KIAA1217: variants seen among roughly 807,000 people sequenced by gnomAD.
KIAA1217 encodes the protein sickle tail protein homolog.
In KIAA1217, 88 loss-of-function variants were observed where a neutral mutation model predicts 163.9. The ratio of observed to expected loss-of-function variants is 0.54; its 90% CI spans 0.45 to 0.64. The LOEUF is 0.64. Among genes scored for constraint, KIAA1217 ranks in the 30% least tolerant of loss-of-function variants. KIAA1217 has a pLI of 0.00. For missense variants in KIAA1217, 2,372 were observed against 2,475.0 expected, an observed-to-expected ratio of 0.96 and a Z score of 0.88; for synonymous variants, 903 against 923.1, an observed-to-expected ratio of 0.98 and a Z score of 0.39.
rs1476441262 is a variant in KIAA1217, at chr10:24,521,900, C to G, written c.2427C>G (p.Ser809Arg). Reference sequence around the variant, plus strand: ...ACAGTCTCCTGAAGCGTGTGCGCAGCATGACAGACGTCCTGACCATGCTGC... The same window carrying G: ...ACAGTCTCCTGAAGCGTGTGCGCAGGATGACAGACGTCCTGACCATGCTGC... ...KLDSLLKRVR[S>R]MTDVLTMLRR... The change falls in exon 12 of 21, where the codon AGC (serine) becomes AGG (arginine). Residue 809 changes from serine to arginine, a missense_variant. This residue lies in a region of KIAA1217 where 1,431 missense variants were observed against 1,470.3 expected (regional missense o/e 0.97). Transcript: ENST00000376454. The G allele has an allele frequency of 6.2e-7, 1 of 1,613,154 alleles. No individual in the cohort carries two copies. Among genetic ancestry groups the G allele is most frequent in the Admixed American group, 1.7e-5 (1 of 60,028 alleles).
intron 2 of KIAA1217, among the ~76,000 whole-genome samples, chr10:24,167,101 A>C (rs533325897): frequency 2.0e-5 from 3 of 152,228 alleles, no homozygotes; most frequent in Admixed American, 2.0e-4. Context: ...CAGGAAGCAC[A>C]CTTACTTTTT....
In KIAA1217 at chr10:24,099,587, T is replaced by A. The variant is rs547266701; in HGVS notation, c.-171+92213T>A. Among the ~76,000 whole-genome samples, 14 of 137,816 alleles carry A rather than the reference T, an allele frequency of 1.0e-4. No individual in the cohort carries two copies. The East Asian group carries it at 1.5e-3, about 15-fold the overall frequency. 90.4% of individuals were successfully genotyped at this position (137,816 alleles called of 152,430 possible). ...ATTTTCTTTATATATATATATATATTATATATATATATTTTATTATACTTT... is the reference window on the plus strand; with the variant it reads ...ATTTTCTTTATATATATATATATATAATATATATATATTTTATTATACTTT... On this transcript the variant is annotated intron_variant, in intron 2 of 18. Transcript: ENST00000376462.
chr10:23,942,496 T>A (rs1186710217), intron 1 of KIAA1217, among the ~76,000 whole-genome samples: 1 of 152,188 alleles, frequency 6.6e-6, no homozygotes, highest in African/African-American at 2.4e-5. Context: ...TTATACGTTA[T>A]GAAAAGTAGA....
At chr10:24,412,332 G>A (rs1302607474) in intron 3 of KIAA1217, among the ~76,000 whole-genome samples, 1 of 152,090 alleles carries the variant, frequency 6.6e-6, no homozygotes, top group Non-Finnish European at 1.5e-5. Context: ...CAGCTTTAAT[G>A]CCACATTCCC....
chr10:24,107,443 C>T (rs34553477), intron 2 of KIAA1217, among the ~76,000 whole-genome samples: 207 of 152,310 alleles, frequency 1.4e-3, no homozygotes, highest in Non-Finnish European at 2.0e-3. Flanking sequence ...GTTGTGAATT[C>T]TTTGAGAAAT....
chr10:24,524,759 A>G lies in KIAA1217; in HGVS notation c.2893A>G (p.Ile965Val), dbSNP rs1473170866. The change falls in exon 13 of 21, where the codon ATC becomes GTC. Residue 965 changes from isoleucine (I) to valine (V), a missense_variant. Ile to Val is a conservative substitution (Grantham distance 29). Around this residue, in one of 3 missense-constraint regions of KIAA1217, gnomAD observed 1,431 missense variants for 1,470.3 expected, o/e 0.97. Coordinates refer to ENST00000376454, the MANE Select transcript of KIAA1217 (RefSeq NM_019590.5). ...GAGTGCCAAGAACAGGGCAGTGTCT[A>G]TCGAGGTAGAGTCCTATTTCTGTTT... ...SVSAKNRAVS[I>V]EKAEKKWEEK... 3.2e-6 allele frequency: 5 copies of G among 1,586,878 alleles called. No homozygotes were observed. The highest frequency in any genetic ancestry group is 3.4e-6 in the Non-Finnish European group (4 of 1,161,878).
chr10:24,427,852 C>A (rs905394180), intron 3 of KIAA1217, among the ~76,000 whole-genome samples: 1 of 152,166 alleles, frequency 6.6e-6, no homozygotes, highest in African/African-American at 2.4e-5. Flanking sequence ...TAAGAGAATT[C>A]CTTCTGAGTC....
At chr10:23,747,766 A>C (rs1839489119) in intron 1 of KIAA1217, among the ~76,000 whole-genome samples, 1 of 152,166 alleles carries the variant, frequency 6.6e-6, no homozygotes, top group African/African-American at 2.4e-5. Flanking sequence ...TCTTTGCAAA[A>C]GGCCCAGCTT....
chr10:23,837,064 A>G (rs1050624379), intron 1 of KIAA1217, among the ~76,000 whole-genome samples: 3 of 152,150 alleles, frequency 2.0e-5, no homozygotes, highest in East Asian at 3.9e-4. Flanking sequence ...CTCTATGTTC[A>G]TGTATGCACA....
At chr10:24,496,657 A>C (rs11596851) in intron 8 of KIAA1217, among the ~76,000 whole-genome samples, 29,262 of 152,188 alleles carry the variant, frequency 0.19, 3,062 homozygotes, top group South Asian at 0.33. Flanking sequence ...GGAGAGGTAC[A>C]GTTTTTATTC....
chr10:24,106,862 G>T (rs1443471410), intron 2 of KIAA1217, among the ~76,000 whole-genome samples: 1 of 152,108 alleles, frequency 6.6e-6, no homozygotes, highest in African/African-American at 2.4e-5. Context: ...TTGTTTGGTT[G>T]GTTGGTTGGT....
At chr10:24,237,296 T>A (rs2072418857) in intron 2 of KIAA1217, among the ~76,000 whole-genome samples, 1 of 152,228 alleles carries the variant, frequency 6.6e-6, no homozygotes, top group Admixed American at 6.5e-5. Context: ...CTTTCCCAGC[T>A]CTAAGTTGTT....
At chr10:23,787,906 A>T (rs1365900509) in intron 1 of KIAA1217, among the ~76,000 whole-genome samples, 2 of 152,020 alleles carry the variant, frequency 1.3e-5, no homozygotes, top group Admixed American at 6.6e-5. Context: ...AACATAATTA[A>T]TTATGGGGCT....
intron 1 of KIAA1217, among the ~76,000 whole-genome samples, chr10:23,934,593 A>ATATATATATATG (rs1843427131): frequency 7.7e-5 from 5 of 64,936 alleles, no homozygotes; most frequent in African/African-American, 1.6e-4. Flanking sequence ...ATATATATGT[A>ATATATATATATG]TATATATATA....
chr10:24,361,215 T>C (rs1470323199), intron 2 of KIAA1217, among the ~76,000 whole-genome samples: 1 of 152,114 alleles, frequency 6.6e-6, no homozygotes, highest in Non-Finnish European at 1.5e-5. Context: ...AGACAGGGTC[T>C]AACACTGTCA....
intron 2 of KIAA1217, among the ~76,000 whole-genome samples, chr10:24,109,947 C>T (rs1054625199): frequency 1.3e-5 from 2 of 152,230 alleles, no homozygotes; most frequent in African/African-American, 4.8e-5. Flanking sequence ...CTCACTGCAG[C>T]CTTGACCTGC....
intron 1 of KIAA1217, among the ~76,000 whole-genome samples, chr10:23,778,839 A>G (rs1835122979): frequency 6.6e-6 from 1 of 152,182 alleles, no homozygotes; most frequent in Non-Finnish European, 1.5e-5. Flanking sequence ...TCATGAGTCA[A>G]TGTAACATTT....
chr10:23,818,080 C>T (rs1290056823), intron 1 of KIAA1217, among the ~76,000 whole-genome samples: 1 of 125,844 alleles, frequency 7.9e-6, no homozygotes, highest in Non-Finnish European at 1.6e-5. Context: ...TACACACACA[C>T]ATATAGATAT....
At chr10:23,944,613 A>G (rs1843930204) in intron 1 of KIAA1217, among the ~76,000 whole-genome samples, 1 of 152,260 alleles carries the variant, frequency 6.6e-6, no homozygotes, top group Admixed American at 6.5e-5. Context: ...AATGCTAAAT[A>G]AATCCACAAT....
Sources: gnomAD v4.1 joint callset for allele counts (sites outside exome capture counted in the v4.1 genomes callset) on GRCh38, gnomAD v4.1.1 for gene constraint, gnomAD v4.1.1 regional missense constraint, MANE v1.5 for transcripts, NCBI Gene and HGNC (gene_info 2026-07-23, HGNC 2026-07-21) for gene names.